GFOD1: variants seen among roughly 807,000 people sequenced by gnomAD.
GFOD1 encodes the protein glucose-fructose oxidoreductase domain-containing protein 1.
GFOD1 carries 9 observed loss-of-function variants against 25.4 expected under a neutral mutation model. The observed-to-expected ratio is 0.35, with a 90% CI of 0.21 to 0.62. The LOEUF (loss-of-function observed/expected upper bound fraction) is 0.62, where lower values mean the gene tolerates loss of function less well. Ranked by LOEUF, GFOD1 falls within the 20% of genes least tolerant of loss-of-function variation. GFOD1 has a pLI of 0.72. For missense variants in GFOD1, 403 were observed against 556.9 expected (o/e 0.72, Z 2.78); for synonymous variants, 253 against 245.6 (o/e 1.03, Z -0.28).
At chr6:13,393,672 T>C (rs944347129) in intron 1 of GFOD1, among the ~76,000 whole-genome samples, 8 of 152,156 alleles carry the variant, frequency 5.3e-5, no homozygotes, top group Admixed American at 2.6e-4. Flanking sequence ...AAAAAAATCA[T>C]TGATTACAAA....
At chr6:13,399,865 T>C (rs1229838250) in intron 1 of GFOD1, among the ~76,000 whole-genome samples, 1 of 152,210 alleles carries the variant, frequency 6.6e-6, no homozygotes, top group African/African-American at 2.4e-5. Context: ...AAGCTATACA[T>C]TTAAAATAGG....
chr6:13,402,871 T>C (rs1382603348), intron 1 of GFOD1, among the ~76,000 whole-genome samples: 1 of 152,172 alleles, frequency 6.6e-6, no homozygotes, highest in Non-Finnish European at 1.5e-5. Flanking sequence ...AACAAATACT[T>C]GTACATAAAT....
intron 1 of GFOD1, among the ~76,000 whole-genome samples, chr6:13,378,574 G>T (rs187517693): frequency 1.7e-4 from 26 of 152,274 alleles, no homozygotes; most frequent in African/African-American, 6.0e-4. Flanking sequence ...GAGAGAGGAT[G>T]GGGAAACCAG....
intron 1 of GFOD1, among the ~76,000 whole-genome samples, chr6:13,423,698 G>C (rs916294136): frequency 6.6e-6 from 1 of 152,196 alleles, no homozygotes; most frequent in Non-Finnish European, 1.5e-5. Flanking sequence ...GGCCCACTTT[G>C]ATATGGAAGG....
chr6:13,432,228 C>CTTTTTT (rs537723348), intron 1 of GFOD1, among the ~76,000 whole-genome samples: 1 of 141,432 alleles, frequency 7.1e-6, no homozygotes, highest in African/African-American at 2.6e-5. Context: ...CTTTTCTTTT[C>CTTTTTT]TTTTTTTTTT....
intron 1 of GFOD1, among the ~76,000 whole-genome samples, chr6:13,474,633 G>A (rs1180651529): frequency 6.6e-6 from 1 of 152,126 alleles, no homozygotes; most frequent in East Asian, 1.9e-4. Flanking sequence ...CAAGGACAAA[G>A]ACCATGTCTT....
chr6:13,435,167 T>A (rs1391796755), intron 1 of GFOD1, among the ~76,000 whole-genome samples: 2 of 152,148 alleles, frequency 1.3e-5, no homozygotes. Flanking sequence ...AGAGTGCTAA[T>A]AAAGAAACAA....
At chr6:13,463,869 G>A (rs1758335998) in intron 1 of GFOD1, among the ~76,000 whole-genome samples, 1 of 152,064 alleles carries the variant, frequency 6.6e-6, no homozygotes, top group Non-Finnish European at 1.5e-5. Context: ...CTATCCAGCA[G>A]GGTCTTGAGG....
At chr6:13,414,502 A>G (rs1786131552) in intron 1 of GFOD1, among the ~76,000 whole-genome samples, 1 of 152,234 alleles carries the variant, frequency 6.6e-6, no homozygotes, top group African/African-American at 2.4e-5. Context: ...CATGTAGCAC[A>G]GCACAGAGTT....
chr6:13,393,780 C>CTTTT (rs70989854), intron 1 of GFOD1, among the ~76,000 whole-genome samples: 4,559 of 120,160 alleles, frequency 0.038, 302 homozygotes, highest in Non-Finnish European at 0.059. Context: ...TTTTTCTTTT[C>CTTTT]TTTTTTTTTT....
At chr6:13,373,019 C>T (rs370597594) in intron 1 of GFOD1, among the ~76,000 whole-genome samples, 3 of 152,214 alleles carry the variant, frequency 2.0e-5, no homozygotes, top group East Asian at 1.9e-4. Context: ...AAGGTAGAGA[C>T]GGCTTGCTTT....
Position 13,486,675 on chromosome 6 carries a change from C to T in GFOD1, c.216G>A (p.Pro72=), listed in dbSNP as rs1758879447. Residue 72 remains proline, a synonymous_variant, in exon 1 of 2, where the codon CCG becomes CCA. Coordinates refer to ENST00000379287, the MANE Select transcript of GFOD1 (RefSeq NM_018988.4). ...CAGCGATCTGTCTGGTGAGGGGCGG[C>T]GGCAGGTTAATGCACACCAAGTCCA... ...QDVDLVCINL[P]PPLTRQIAVK... is the part of the protein sequence containing the mutation. The T allele has an allele frequency of 6.2e-7, 1 of 1,614,062 alleles. No homozygotes were observed. The highest frequency in any genetic ancestry group is 8.5e-7 in the Non-Finnish European group (1 of 1,180,014).
chr6:13,430,713 C>G lies in GFOD1; in HGVS notation c.253+55925G>C, dbSNP rs1432278425. Reference sequence around the variant, plus strand: ...GTAGGGAAAAGTATCCTTGTGGCCTCCAGCACAGCCTCCAGACAGTGGAAA... The same window carrying G: ...GTAGGGAAAAGTATCCTTGTGGCCTGCAGCACAGCCTCCAGACAGTGGAAA... On this transcript the variant is annotated intron_variant, in intron 1 of 1. Coordinates refer to ENST00000379287, the MANE Select transcript of GFOD1 (RefSeq NM_018988.4). The surrounding 1 kb of genome is among the most constrained non-coding windows in gnomAD (Gnocchi z 4.1). Among the ~76,000 whole-genome samples, 3 of 151,908 alleles carry G rather than the reference C, an allele frequency of 2.0e-5. No homozygotes were observed. The highest frequency in any genetic ancestry group is 4.4e-5 in the Non-Finnish European group (3 of 67,960).
intron 1 of GFOD1, among the ~76,000 whole-genome samples, chr6:13,466,406 C>A (rs909294617): frequency 1.3e-5 from 2 of 152,170 alleles, no homozygotes; most frequent in African/African-American, 4.8e-5. Context: ...TAACAACAGG[C>A]TTTCCACCCA....
intron 1 of GFOD1, among the ~76,000 whole-genome samples, chr6:13,379,580 T>C (rs1785318875): frequency 6.6e-6 from 1 of 152,222 alleles, no homozygotes; most frequent in South Asian, 2.1e-4. Context: ...TCTGGTGTGA[T>C]CTGGACTGTG....
intron 1 of GFOD1, among the ~76,000 whole-genome samples, chr6:13,370,218 T>A (rs1019710883): frequency 6.6e-6 from 1 of 152,152 alleles, no homozygotes; most frequent in Non-Finnish European, 1.5e-5. Flanking sequence ...TGTTGCCAGG[T>A]CTTCTTGCTC....
intron 1 of GFOD1, among the ~76,000 whole-genome samples, chr6:13,454,059 T>A (rs1318996412): frequency 6.6e-6 from 1 of 152,130 alleles, no homozygotes; most frequent in Non-Finnish European, 1.5e-5. Context: ...GTGCCACCTA[T>A]ATAAAGGAAA....
intron 1 of GFOD1, among the ~76,000 whole-genome samples, chr6:13,383,610 T>A (rs1164425151): frequency 1.3e-5 from 2 of 152,238 alleles, no homozygotes; most frequent in Admixed American, 6.5e-5. Flanking sequence ...GGCATACACA[T>A]CTCATTGTTA....
chr6:13,407,812 T>C (rs779627864), intron 1 of GFOD1: 3 of 288,368 alleles, frequency 1.0e-5, no homozygotes, highest in Non-Finnish European at 1.6e-5. Flanking sequence ...CTGGATTTCA[T>C]CAGAAGAGAA....
Sources: gnomAD v4.1 joint callset for allele counts (sites outside exome capture counted in the v4.1 genomes callset) on GRCh38, gnomAD v4.1.1 for gene constraint, Gnocchi (gnomAD v3.1) non-coding constraint, MANE v1.5 for transcripts, NCBI Gene and HGNC (gene_info 2026-07-23, HGNC 2026-07-21) for gene names.